YEATS4: variants seen among roughly 807,000 people sequenced by gnomAD.
The protein encoded by YEATS4 is YEATS domain-containing protein 4.
In YEATS4, 17 loss-of-function variants were observed where a neutral mutation model predicts 30.1. That is an observed-to-expected ratio of 0.56 (90% CI 0.39 to 0.85). YEATS4 has a LOEUF of 0.85. Ranked by LOEUF, YEATS4 falls within the 40% of genes least tolerant of loss-of-function variation. The pLI is 0.00. For synonymous variants in YEATS4, 85 were observed against 87.5 expected (o/e 0.97, Z 0.16); for missense variants, 142 against 268.3 (o/e 0.53, Z 3.29).
chr12:69,370,216 G>T (rs914790643), intron 4 of YEATS4, among the ~76,000 whole-genome samples: 1 of 152,098 alleles, frequency 6.6e-6, no homozygotes, highest in Non-Finnish European at 1.5e-5. Flanking sequence ...TTGCCAAAGT[G>T]AATTATTACT....
intron 6 of YEATS4, among the ~76,000 whole-genome samples, chr12:69,386,846 C>T (rs2121061272): frequency 6.6e-6 from 1 of 152,088 alleles, no homozygotes; most frequent in Middle Eastern, 3.4e-3. Flanking sequence ...AGTACCAAGC[C>T]CTATATACTG....
At position 69,362,898 on chromosome 12, in the gene YEATS4, T is replaced by C; in HGVS notation, c.162T>C (p.Tyr54=). 2 of 1,569,856 alleles carry C rather than the reference T, an allele frequency of 1.3e-6. No individual in the cohort carries two copies. Among genetic ancestry groups the C allele is most frequent in the South Asian group, 1.2e-5 (1 of 82,718 alleles). The change falls in exon 2 of 7, where the codon TAT becomes TAC. Residue 54 remains tyrosine, a synonymous_variant. Coordinates refer to ENST00000247843, the MANE Select transcript of YEATS4 (RefSeq NM_006530.4). ...AGTGGACAGTATATGTGAAACCATA[T>C]AGAAATGAGGTAGGCACTCGTTTTT... The part of the protein sequence containing the change: ...THQWTVYVKP[Y]RNEDMSAYVK...
At chr12:69,362,641 C>T (rs1875266291) in intron 1 of YEATS4, 147 bp from the exon 2 acceptor site, 1 of 524,450 alleles carries the variant, frequency 1.9e-6, no homozygotes, top group African/African-American at 2.0e-5. Flanking sequence ...AAGGATGTGT[C>T]TGAAATTGAT....
chr12:69,415,609 T>C, the YEATS4 span, among the ~76,000 whole-genome samples: 2,007 of 152,070 alleles, frequency 0.013, 51 homozygotes, highest in African/African-American at 0.046. Context: ...CCAGTGACAG[T>C]AACAATTTCA....
the YEATS4 span, among the ~76,000 whole-genome samples, chr12:69,399,921 T>C: frequency 6.6e-6 from 1 of 152,198 alleles, no homozygotes; most frequent in South Asian, 2.1e-4. Context: ...ACATCCAGAA[T>C]AGGTAAATCC....
At chr12:69,424,792 G>A in the YEATS4 span, among the ~76,000 whole-genome samples, 2 of 152,112 alleles carry the variant, frequency 1.3e-5, no homozygotes, top group Admixed American at 1.3e-4. Flanking sequence ...GCCTCCCAAA[G>A]CCATGCAGAA....
intron 6 of YEATS4, among the ~76,000 whole-genome samples, chr12:69,372,536 A>ATTTTTTTTT (rs1283279345): frequency 1.4e-5 from 1 of 70,862 alleles, no homozygotes; most frequent in African/African-American, 5.6e-5. Flanking sequence ...GTATCTCATG[A>ATTTTTTTTT]GTTTTTTTTT....
At chr12:69,418,698 T>G in the YEATS4 span, among the ~76,000 whole-genome samples, 3 of 152,296 alleles carry the variant, frequency 2.0e-5, no homozygotes, top group Non-Finnish European at 4.4e-5. Flanking sequence ...CTCATCTGTT[T>G]CATACCAAAC....
chr12:69,394,549 CAG>C (rs1455148551), downstream of YEATS4, among the ~76,000 whole-genome samples: 1 of 152,148 alleles, frequency 6.6e-6, no homozygotes, highest in Non-Finnish European at 1.5e-5. Context: ...AAACTGATAA[CAG>C]AGAAGACATC....
At chr12:69,394,458 C>T (rs899011162), downstream of YEATS4, among the ~76,000 whole-genome samples, 8 of 152,060 alleles carry the variant, frequency 5.3e-5, no homozygotes, top group African/African-American at 1.4e-4. Context: ...TTTTATGCTT[C>T]GTCTCACTAA....
At chr12:69,395,075 G>A (rs1412307345), downstream of YEATS4, among the ~76,000 whole-genome samples, 1 of 152,096 alleles carries the variant, frequency 6.6e-6, no homozygotes, top group African/African-American at 2.4e-5. Flanking sequence ...GTTTTCAGAG[G>A]ATAATTTAGG....
downstream of YEATS4, among the ~76,000 whole-genome samples, chr12:69,394,179 C>T (rs566095952): frequency 2.0e-5 from 3 of 152,106 alleles, no homozygotes; most frequent in East Asian, 3.9e-4. Flanking sequence ...AGAATGGAGC[C>T]CAGGAATTTG....
At chr12:69,386,839 A>G (rs568022636) in intron 6 of YEATS4, among the ~76,000 whole-genome samples, 11 of 152,304 alleles carry the variant, frequency 7.2e-5, no homozygotes, top group African/African-American at 2.4e-4. Flanking sequence ...TACAGATAGT[A>G]CCAAGCCCTA....
intron 1 of YEATS4, among the ~76,000 whole-genome samples, chr12:69,362,013 G>GTTTTTGTTTTTTTTTGTTTT (rs1555174243): frequency 2.0e-4 from 14 of 69,058 alleles, no homozygotes; most frequent in Non-Finnish European, 3.1e-4. Flanking sequence ...GTGTTTGGTT[G>GTTTTTGTTTTTTTTTGTTTT]TTTTTTTTTT....
At chr12:69,405,445 T>C in the YEATS4 span, among the ~76,000 whole-genome samples, 1 of 152,110 alleles carries the variant, frequency 6.6e-6, no homozygotes, top group Non-Finnish European at 1.5e-5. Flanking sequence ...CAGCGTACAG[T>C]TTTTTTTCTT....
chr12:69,359,808 G>T lies in YEATS4; in HGVS notation c.-165G>T. 1 of 738,808 alleles carries T rather than the reference G, an allele frequency of 1.4e-6. No individual in the cohort carries two copies. The highest frequency in any genetic ancestry group is 1.9e-5 in the South Asian group (1 of 53,634). 45.8% of individuals were successfully genotyped at this position (738,808 alleles called of 1,614,324 possible). ...CCTTCAGGAGCACAGTCGGCCTGAG[G>T]AGTTGACGGTTACTCACCGCCGTGA... On this transcript the variant is annotated 5_prime_UTR_variant, in exon 1 of 7. Transcript: ENST00000247843.
At chr12:69,404,736 T>G in the YEATS4 span, among the ~76,000 whole-genome samples, 7 of 152,356 alleles carry the variant, frequency 4.6e-5, no homozygotes, top group African/African-American at 1.7e-4. Flanking sequence ...CAATAGTAGA[T>G]AGGATCTCTC....
chr12:69,375,864 C>T (rs1282462221), intron 6 of YEATS4, among the ~76,000 whole-genome samples: 2 of 151,860 alleles, frequency 1.3e-5, no homozygotes, highest in East Asian at 3.9e-4. Context: ...ACAGTCCAGC[C>T]TGGGCTCGGC....
the YEATS4 span, among the ~76,000 whole-genome samples, chr12:69,407,702 C>CTTTTTTTTTTTTTTTTTTTTTTTTTTTT: frequency 3.2e-5 from 2 of 62,620 alleles, no homozygotes; most frequent in Non-Finnish European, 5.4e-5. Flanking sequence ...TACTTTTTGT[C>CTTTTTTTTTTTTTTTTTTTTTTTTTTTT]TTTTTTTTTT....
Sources: gnomAD v4.1 joint callset for allele counts (sites outside exome capture counted in the v4.1 genomes callset) on GRCh38, gnomAD v4.1.1 for gene constraint, MANE v1.5 for transcripts, NCBI Gene and HGNC (gene_info 2026-07-23, HGNC 2026-07-21) for gene names.